Variants in STXBP5L observed in about 807,000 individuals in gnomAD.
STXBP5L encodes syntaxin-binding protein 5-like.
In STXBP5L, 65 loss-of-function variants were observed where a neutral mutation model predicts 144.5. The ratio of observed to expected loss-of-function variants is 0.45; its 90% CI spans 0.37 to 0.55. The LOEUF is 0.55. Ranked by LOEUF, STXBP5L falls within the 20% of genes least tolerant of loss-of-function variation. STXBP5L has a pLI of 0.00. For synonymous variants in STXBP5L, 505 were observed against 469.6 expected, an observed-to-expected ratio of 1.08 and a Z score of -0.97; for missense variants, 1,298 against 1,405.5, an observed-to-expected ratio of 0.92 and a Z score of 1.22.
At chr3:121,117,749 T>C (rs2044294383) in intron 6 of STXBP5L, among the ~76,000 whole-genome samples, 1 of 151,784 alleles carries the variant, frequency 6.6e-6, no homozygotes, top group Non-Finnish European at 1.5e-5. Flanking sequence ...CTATTTTTAG[T>C]GAATTATTCT....
chr3:121,228,274 G>A (rs1317046220), intron 11 of STXBP5L, among the ~76,000 whole-genome samples: 2 of 152,126 alleles, frequency 1.3e-5, no homozygotes, highest in Non-Finnish European at 2.9e-5. Flanking sequence ...GTAAAACACA[G>A]AATCTGTGTT....
At chr3:121,078,106 G>C (rs970294292) in intron 5 of STXBP5L, among the ~76,000 whole-genome samples, 3 of 147,916 alleles carry the variant, frequency 2.0e-5, no homozygotes, top group African/African-American at 7.5e-5. Flanking sequence ...AGACACAAAG[G>C]TTCTCCAAGT....
chr3:121,058,390 G>T (rs1403619181), intron 5 of STXBP5L, among the ~76,000 whole-genome samples: 1 of 152,194 alleles, frequency 6.6e-6, no homozygotes, highest in Admixed American at 6.5e-5. Flanking sequence ...GGGCATTTGG[G>T]TTGGTTGCAA....
At chr3:121,235,011 T>C (rs1253009576) in intron 12 of STXBP5L, among the ~76,000 whole-genome samples, 1 of 151,676 alleles carries the variant, frequency 6.6e-6, no homozygotes, top group African/African-American at 2.4e-5. Context: ...TATTTTTTTA[T>C]TTAAATTTTG....
At chr3:121,289,235 C>A (rs1044062393) in intron 19 of STXBP5L, among the ~76,000 whole-genome samples, 1 of 151,938 alleles carries the variant, frequency 6.6e-6, no homozygotes, top group Admixed American at 6.6e-5. Flanking sequence ...GACTTTAAAG[C>A]AACAATATTT....
chr3:121,281,949 A>G (rs989021878), intron 19 of STXBP5L, among the ~76,000 whole-genome samples: 2 of 151,682 alleles, frequency 1.3e-5, no homozygotes, highest in Admixed American at 6.6e-5. Flanking sequence ...TTGTAAAAAC[A>G]TATAAGGAAA....
intron 3 of STXBP5L, among the ~76,000 whole-genome samples, chr3:120,987,929 G>A (rs1942459330): frequency 6.6e-6 from 1 of 151,700 alleles, no homozygotes; most frequent in Non-Finnish European, 1.5e-5. Flanking sequence ...AACTGGGTCT[G>A]GAGATAATTT....
At chr3:121,087,854 T>C (rs1209470999) in intron 5 of STXBP5L, among the ~76,000 whole-genome samples, 4 of 152,124 alleles carry the variant, frequency 2.6e-5, no homozygotes, top group African/African-American at 7.2e-5. Context: ...AAGAGGTTGC[T>C]ATAGGTATTT....
chr3:121,043,696 A>C (rs984298175), intron 4 of STXBP5L, among the ~76,000 whole-genome samples: 7 of 151,602 alleles, frequency 4.6e-5, no homozygotes, highest in African/African-American at 1.7e-4. Flanking sequence ...CAACAGAGCG[A>C]GACTCCATCT....
rs143924791 is a variant in STXBP5L, at chr3:121,333,556, C to CACA, written c.2176+15017_2176+15018insCAA. Among the ~76,000 whole-genome samples the CACA allele has an allele frequency of 5.7e-4, 77 of 136,092 alleles. No individual in the cohort carries two copies. In the Middle Eastern group the frequency reaches 0.011, roughly 20 times the overall value. The allele number at this position is 136,092 out of a possible 152,430, so 89.3% of individuals were successfully genotyped here. On this transcript the variant is annotated intron_variant, in intron 20 of 26. Coordinates refer to ENST00000471454, the MANE Select transcript of STXBP5L (RefSeq NM_001308330.2). ...ACTGAAGGAGATTGGGACACACACA[C>CACA]AAAAAAAAAACATTCAAAAGATCAA... is the stretch of plus-strand genomic sequence containing the variant.
At chr3:121,054,972 T>C (rs1221040260) in intron 5 of STXBP5L, among the ~76,000 whole-genome samples, 1 of 152,128 alleles carries the variant, frequency 6.6e-6, no homozygotes, top group East Asian at 1.9e-4. Context: ...TATGGACTTT[T>C]TGGGAGGAAG....
chr3:121,156,935 TCTAA>T (rs1349158346), intron 8 of STXBP5L, among the ~76,000 whole-genome samples: 2 of 152,052 alleles, frequency 1.3e-5, no homozygotes, highest in African/African-American at 2.4e-5. Context: ...GTGGGAGTTC[TCTAA>T]CTAATCCCCA....
At chr3:121,235,539 C>T (rs1206402225) in intron 12 of STXBP5L, among the ~76,000 whole-genome samples, 2 of 152,088 alleles carry the variant, frequency 1.3e-5, no homozygotes, top group Middle Eastern at 3.4e-3. Flanking sequence ...AGCCTATTAT[C>T]GTTACCTCTT....
At chr3:121,019,877 C>T (rs1576679269) in intron 3 of STXBP5L, among the ~76,000 whole-genome samples, 1 of 152,198 alleles carries the variant, frequency 6.6e-6, no homozygotes, top group East Asian at 1.9e-4. Context: ...TTTGACACCC[C>T]CAAAAGATCA....
chr3:121,263,093 C>T (rs1377079724), intron 18 of STXBP5L, among the ~76,000 whole-genome samples: 1 of 152,182 alleles, frequency 6.6e-6, no homozygotes, highest in African/African-American at 2.4e-5. Context: ...TGGAGGGTGT[C>T]CCTCTGGGAC....
intron 5 of STXBP5L, among the ~76,000 whole-genome samples, chr3:121,081,011 G>T (rs910094983): frequency 7.9e-5 from 12 of 151,780 alleles, no homozygotes; most frequent in African/African-American, 2.9e-4. Context: ...TTTAGGTTTG[G>T]CTGTTTAACA....
intron 3 of STXBP5L, among the ~76,000 whole-genome samples, chr3:120,987,986 G>C (rs1422783363): frequency 6.6e-6 from 1 of 151,586 alleles, no homozygotes; most frequent in African/African-American, 2.4e-5. Flanking sequence ...GTAAATTATA[G>C]GACTATTTTG....
intron 3 of STXBP5L, among the ~76,000 whole-genome samples, chr3:121,006,505 C>T (rs115283851): frequency 0.042 from 6,389 of 152,090 alleles, 178 homozygotes; most frequent in Middle Eastern, 0.099. Context: ...ACTCTATCCA[C>T]TTTGCCAGTC....
At chr3:121,068,034 G>A (rs1281976768) in intron 5 of STXBP5L, among the ~76,000 whole-genome samples, 2 of 151,884 alleles carry the variant, frequency 1.3e-5, no homozygotes, top group Non-Finnish European at 2.9e-5. Context: ...TTTTTGAGAC[G>A]GAGTCTCACT....
Sources: allele counts gnomAD v4.1 joint callset (sites outside exome capture counted in the v4.1 genomes callset), GRCh38; gene constraint gnomAD v4.1.1; transcripts MANE v1.5; gene names NCBI Gene and HGNC (gene_info 2026-07-23, HGNC 2026-07-21).